The following RAB21 variants were observed in gnomAD, a reference collection of about 807,000 sequenced individuals.
RAB21 encodes the protein RAB21, member RAS oncogene family.
A neutral mutation model predicts 33.1 loss-of-function variants in RAB21; 13 were observed. That is an observed-to-expected ratio of 0.39 (90% CI 0.26 to 0.62). The LOEUF is 0.62. Among genes scored for constraint, RAB21 ranks in the 20% least tolerant of loss-of-function variants. The pLI, the probability that RAB21 is intolerant of heterozygous loss-of-function variation, is 0.48. For synonymous variants in RAB21, 91 were observed against 103.7 expected (o/e 0.88, Z 0.74); for missense variants, 234 against 279.1 (o/e 0.84, Z 1.15).
chr12:71,770,884 T>C (rs1214777335), intron 3 of RAB21, among the ~76,000 whole-genome samples, 185 bp downstream of exon 3: 1 of 152,262 alleles, frequency 6.6e-6, no homozygotes, highest in Non-Finnish European at 1.5e-5. Context: ...TGTACTCATA[T>C]GTTTAATGAA....
Position 71,793,510 on chromosome 12 carries a change from G to A in RAB21, c.*7837G>A, listed in dbSNP as rs1883417062. 1.3e-5 allele frequency: 2 copies of A among 152,096 alleles called. No individual in the cohort carries two copies. Among genetic ancestry groups the A allele is most frequent in the African/African-American group, 2.4e-5 (1 of 41,392 alleles). 9.4% of individuals were successfully genotyped at this position (152,096 alleles called of 1,614,324 possible). On this transcript the variant is annotated 3_prime_UTR_variant, in exon 7 of 7. Transcript: ENST00000261263. ...GGCCCTTCTGGTTAGAAAATAGAGC[G>A]AAATCATCCGTTTAAACACACACAC... is the stretch of plus-strand genomic sequence containing the variant.
At chr12:71,776,234 A>G (rs1167965638) in intron 4 of RAB21, among the ~76,000 whole-genome samples, 1 of 152,220 alleles carries the variant, frequency 6.6e-6, no homozygotes, top group Non-Finnish European at 1.5e-5. Flanking sequence ...TACTTGACCA[A>G]GGTCACAAAG....
chr12:71,777,687 C>G (rs1883141647), intron 4 of RAB21, among the ~76,000 whole-genome samples: 1 of 152,174 alleles, frequency 6.6e-6, no homozygotes. Flanking sequence ...ACTTAAACGG[C>G]TCACTTTAAG....
At chr12:71,758,204 T>G (rs182851150) in intron 1 of RAB21, among the ~76,000 whole-genome samples, 266 of 151,638 alleles carry the variant, frequency 1.8e-3, no homozygotes, top group Non-Finnish European at 3.4e-3. Flanking sequence ...GGCTAATTTT[T>G]GTATGTTTAG....
chr12:71,759,620 A>T (rs1367109968), intron 1 of RAB21, among the ~76,000 whole-genome samples: 1 of 152,268 alleles, frequency 6.6e-6, no homozygotes, highest in Non-Finnish European at 1.5e-5. Context: ...CCTAGTGGAC[A>T]CAAATCCCTT....
At chr12:71,785,484 A>ATT in intron 6 of RAB21, 47 bp from the exon 7 acceptor site, 2 of 1,594,512 alleles carry the variant, frequency 1.3e-6, no homozygotes, top group Non-Finnish European at 1.7e-6. Flanking sequence ...GAAAGAGAAA[A>ATT]CACAAATATT....
chr12:71,768,316 T>C (rs1253781897), intron 1 of RAB21, among the ~76,000 whole-genome samples: 1 of 152,138 alleles, frequency 6.6e-6, no homozygotes, highest in Non-Finnish European at 1.5e-5. Flanking sequence ...AAAAGAAATC[T>C]CAATTGTTTC....
intron 2 of RAB21, 129 bp from the exon 3 acceptor site, chr12:71,770,463 G>GTT: frequency 3.0e-6 from 2 of 677,086 alleles, no homozygotes; most frequent in Admixed American, 5.3e-5. Context: ...TTTTGTTTCT[G>GTT]TTAATAGGGT....
At chr12:71,761,116 T>C (rs1592642660) in intron 1 of RAB21, among the ~76,000 whole-genome samples, 1 of 150,642 alleles carries the variant, frequency 6.6e-6, no homozygotes, top group Non-Finnish European at 1.5e-5. Context: ...CTGAGGCTGG[T>C]GGATCACTTG....
At chr12:71,777,602 G>A (rs1273670715) in intron 4 of RAB21, among the ~76,000 whole-genome samples, 2 of 152,072 alleles carry the variant, frequency 1.3e-5, no homozygotes, top group Non-Finnish European at 2.9e-5. Flanking sequence ...AAAATACTTG[G>A]CATAGAGGTA....
At position 71,755,306 on chromosome 12, in the gene RAB21, C is replaced by T. The variant is rs1298744272; in HGVS notation, c.159+18C>T. The T allele has an allele frequency of 6.7e-7, 1 of 1,495,894 alleles. No homozygotes were observed. The allele number at this position is 1,495,894 out of a possible 1,614,324, so 92.7% of individuals were successfully genotyped here. ...CTCTGCAGGTGCGGACCTCGGGGAG[C>T]GGGAGGGGGCGCCTCAGGGCCCCTA... On this transcript the variant is annotated intron_variant, in intron 1 of 6. Transcript: ENST00000261263.
At chr12:71,775,288 A>G (rs1293494309) in intron 4 of RAB21, among the ~76,000 whole-genome samples, 5 of 152,242 alleles carry the variant, frequency 3.3e-5, no homozygotes, top group African/African-American at 7.2e-5. Context: ...TCCTGGAGAT[A>G]ATAACTTGCC....
rs1883521056 is a variant in RAB21 at position 71,800,227 on chromosome 12, A to G, written c.*14554A>G. The G allele has an allele frequency of 6.6e-6, 1 of 152,132 alleles. No homozygotes were observed. The highest frequency in any genetic ancestry group is 1.5e-5 in the Non-Finnish European group (1 of 68,030). 9.4% of individuals were successfully genotyped at this position (152,132 alleles called of 1,614,324 possible). On this transcript the variant is annotated 3_prime_UTR_variant, in exon 7 of 7. Coordinates refer to ENST00000261263, the MANE Select transcript of RAB21 (RefSeq NM_014999.4). ...TCTCCCTCCCATTCCTGCTTTCTTT[A>G]AACTATAGTTTAGTTTGAATTTTCT...
Position 71,768,319 on chromosome 12 carries a change from A to G in RAB21, c.160-1481A>G, listed in dbSNP as rs145738159. Among the ~76,000 whole-genome samples the G allele has an allele frequency of 1.7e-3, 252 of 152,194 alleles. 2 individuals carry two copies. Among genetic ancestry groups the G allele is most frequent in the African/African-American group, 5.0e-3 (206 of 41,556 alleles). On this transcript the variant is annotated intron_variant, in intron 1 of 6. Coordinates refer to ENST00000261263, the MANE Select transcript of RAB21 (RefSeq NM_014999.4). ...TGAAATTGAGGTAAAAGAAATCTCAATTGTTTCTTTCCTTCAGTAATTCAC... is the reference window on the plus strand; with the variant it reads ...TGAAATTGAGGTAAAAGAAATCTCAGTTGTTTCTTTCCTTCAGTAATTCAC...
Position 71,785,555 on chromosome 12 carries a change from A to G in RAB21, c.560A>G (p.Asp187Gly). The change falls in exon 7 of 7, where the codon GAT becomes GGT. Residue 187 changes from aspartate (D) to glycine (G), a missense_variant. Transcript: ENST00000261263. ...GGGATGATAGAAACAGCACAAGTGG[A>G]TGAGAGAGCAAAAGGCAATGGCTCT... The part of the protein sequence containing the change: ...CKRMIETAQV[D>G]ERAKGNGSSQ... 4.3e-6 allele frequency: 7 copies of G among 1,614,160 alleles called. No individual in the cohort carries two copies. Among genetic ancestry groups the G allele is most frequent in the Non-Finnish European group, 5.9e-6 (7 of 1,180,000 alleles).
At chr12:71,775,745 C>T (rs1162950291) in intron 4 of RAB21, among the ~76,000 whole-genome samples, 1 of 152,110 alleles carries the variant, frequency 6.6e-6, no homozygotes, top group Non-Finnish European at 1.5e-5. Flanking sequence ...CCATATTGGC[C>T]AGGCTGTTCT....
At chr12:71,782,547 C>A (rs750633084) in intron 5 of RAB21, 23 bp from the exon 6 acceptor site, 5 of 1,476,980 alleles carry the variant, frequency 3.4e-6, no homozygotes, top group South Asian at 1.2e-5. Flanking sequence ...TTACATCAAT[C>A]ACCGATGTTA....
Position 71,785,880 on chromosome 12 carries a change from TTTTTTTTTG to T in RAB21, c.*216_*224del. ...AGAGAATTGGCATTTTCTACAAATG[TTTTTTTTTG>T]TTTTTTTTTTGTTTTTTTTTGTTTT... On this transcript the variant is annotated 3_prime_UTR_variant, in exon 7 of 7. Transcript: ENST00000261263. The T allele has an allele frequency of 2.0e-6, 1 of 496,952 alleles. No homozygotes were observed. Among genetic ancestry groups the T allele is most frequent in the Non-Finnish European group, 3.2e-6 (1 of 311,692 alleles). 30.8% of individuals were successfully genotyped at this position (496,952 alleles called of 1,614,324 possible).
rs1882766133 is a variant in RAB21, at chr12:71,755,249, C to T, written c.120C>T (p.Cys40=). 1.9e-6 allele frequency: 3 copies of T among 1,547,128 alleles called. No homozygotes were observed. Among genetic ancestry groups the T allele is most frequent in the Non-Finnish European group, 2.6e-6 (3 of 1,150,786 alleles). ...VGKTSLVLRY[C]ENKFNDKHIT... is the part of the protein sequence containing the mutation. Reference sequence around the variant, plus strand: ...AGACGTCGCTGGTGCTGCGCTACTGCGAGAACAAGTTTAACGACAAGCACA... The same window carrying T: ...AGACGTCGCTGGTGCTGCGCTACTGTGAGAACAAGTTTAACGACAAGCACA... The change falls in exon 1 of 7, where the codon TGC becomes TGT. Residue 40 remains cysteine, a synonymous_variant. Transcript: ENST00000261263.
Sources: allele counts gnomAD v4.1 joint callset (sites outside exome capture counted in the v4.1 genomes callset), GRCh38; gene constraint gnomAD v4.1.1; transcripts MANE v1.5; gene names NCBI Gene and HGNC (gene_info 2026-07-23, HGNC 2026-07-21).